The following WDR37 variants were observed in gnomAD, a reference collection of about 807,000 sequenced individuals.
WDR37 encodes the protein WD repeat-containing protein 37.
Under a neutral mutation model 62.9 loss-of-function variants are expected in WDR37, and 19 were observed. The observed-to-expected ratio is 0.30, with a 90% CI of 0.21 to 0.44. The LOEUF (loss-of-function observed/expected upper bound fraction) is 0.44, where lower values mean the gene tolerates loss of function less well. Among genes scored for constraint, WDR37 ranks in the 20% least tolerant of loss-of-function variants. The pLI, the probability that WDR37 is intolerant of heterozygous loss-of-function variation, is 1.00. For missense variants in WDR37, 474 were observed against 657.6 expected, an observed-to-expected ratio of 0.72 and a Z score of 3.05; for synonymous variants, 250 against 260.9, an observed-to-expected ratio of 0.96 and a Z score of 0.40.
chr10:1,126,347 A>C (rs900563184), intron 13 of WDR37, among the ~76,000 whole-genome samples: 5 of 149,762 alleles, frequency 3.3e-5, no homozygotes, highest in Non-Finnish European at 5.9e-5. Context: ...CGGAGCTTGC[A>C]GTGAGCTGAG....
chr10:1,114,879 C>A (rs1195767139), intron 11 of WDR37, among the ~76,000 whole-genome samples: 36 of 152,366 alleles, frequency 2.4e-4, no homozygotes, highest in Non-Finnish European at 1.5e-5. Context: ...CGTGGGCCCT[C>A]ACTGTGCAGA....
At chr10:1,058,324 C>G (rs1207720436) in intron 1 of WDR37, among the ~76,000 whole-genome samples, 1 of 152,206 alleles carries the variant, frequency 6.6e-6, no homozygotes, top group African/African-American at 2.4e-5. Context: ...TATATGCCAG[C>G]CATTTTTGCA....
chr10:1,092,872 C>CAAAAAAAAAAAAAAAAAAAAAAAAAAAAA (rs56220560), intron 7 of WDR37, among the ~76,000 whole-genome samples: 7 of 41,976 alleles, frequency 1.7e-4, no homozygotes, highest in East Asian at 9.6e-4. Context: ...CCCTATCTCA[C>CAAAAAAAAAAAAAAAAAAAAAAAAAAAAA]AAAAAAAAAA....
chr10:1,074,389 C>T, intron 2 of WDR37: 1 of 1,294,962 alleles, frequency 7.7e-7, no homozygotes. Context: ...CAGAGGTCTC[C>T]AAGCCGCACG....
chr10:1,095,988 C>G (rs1834561668), intron 8 of WDR37, among the ~76,000 whole-genome samples, 182 bp from the exon 9 acceptor site: 1 of 152,198 alleles, frequency 6.6e-6, no homozygotes, highest in Non-Finnish European at 1.5e-5. Context: ...GACATGTACT[C>G]TATTTTCAAT....
At chr10:1,116,936 CG>C (rs1262885598) in intron 11 of WDR37, among the ~76,000 whole-genome samples, 1 of 129,618 alleles carries the variant, frequency 7.7e-6, no homozygotes, top group Non-Finnish European at 1.6e-5. Flanking sequence ...AGCAGAGCAG[CG>C]CTGTCCGTGC....
intron 13 of WDR37, 93 bp downstream of exon 13, chr10:1,125,117 T>C: frequency 6.7e-7 from 1 of 1,501,008 alleles, no homozygotes; most frequent in Non-Finnish European, 8.9e-7. Flanking sequence ...AGTCTTTGCA[T>C]GCTAAGTTTT....
intron 2 of WDR37, 105 bp from the exon 3 acceptor site, chr10:1,077,802 C>T (rs1833923439): frequency 1.2e-6 from 1 of 837,074 alleles, no homozygotes; most frequent in Admixed American, 3.0e-5. Flanking sequence ...TGTAATAATA[C>T]AAAATAAGAG....
chr10:1,115,037 T>TG (rs1229711320), intron 11 of WDR37, among the ~76,000 whole-genome samples: 4 of 151,964 alleles, frequency 2.6e-5, no homozygotes, highest in African/African-American at 9.7e-5. Flanking sequence ...TTTGTTTTTT[T>TG]TTTTTTGTTG....
chr10:1,103,335 A>C lies in WDR37; in HGVS notation c.727-267A>C, dbSNP rs1564507898. On this transcript the variant is annotated intron_variant, in intron 9 of 13. Coordinates refer to ENST00000263150, the MANE Select transcript of WDR37 (RefSeq NM_014023.4). This position sits in a 1 kb window ranked among gnomAD's most constrained non-coding sequence, Gnocchi z 6.3. ...GCCATTCTGTTGATGCGTGGAAATA[A>C]ATGGTAGTTCGGTTGACAATGTTGT... Among the ~76,000 whole-genome samples, 1 of 152,216 alleles carries C rather than the reference A, an allele frequency of 6.6e-6. No homozygotes were observed. Among genetic ancestry groups the C allele is most frequent in the Non-Finnish European group, 1.5e-5 (1 of 68,050 alleles).
intron 7 of WDR37, among the ~76,000 whole-genome samples, chr10:1,088,262 G>A (rs1185041893): frequency 3.3e-5 from 5 of 152,176 alleles, no homozygotes; most frequent in Non-Finnish European, 5.9e-5. Context: ...ACTTTCCTTC[G>A]AGAACTTTTC....
At chr10:1,122,990 T>C (rs1340197849) in intron 11 of WDR37, among the ~76,000 whole-genome samples, 1 of 152,220 alleles carries the variant, frequency 6.6e-6, no homozygotes, top group African/African-American at 2.4e-5. Flanking sequence ...GAAAAGTTTA[T>C]GAAAGAGTTT....
At chr10:1,122,963 T>C (rs187239442) in intron 11 of WDR37, among the ~76,000 whole-genome samples, 77 of 152,370 alleles carry the variant, frequency 5.1e-4, no homozygotes, top group African/African-American at 1.7e-3. Context: ...TCAAACACTT[T>C]TTTTTACATT....
chr10:1,067,535 A>G (rs774174814), intron 1 of WDR37, among the ~76,000 whole-genome samples: 2 of 152,242 alleles, frequency 1.3e-5, no homozygotes, highest in Non-Finnish European at 2.9e-5. Context: ...TATAATTCAT[A>G]CTATAGAGTA....
intron 1 of WDR37, among the ~76,000 whole-genome samples, chr10:1,063,083 TAAAA>T (rs57894038): frequency 7.3e-6 from 1 of 137,618 alleles, no homozygotes. Context: ...GACACTCTGT[TAAAA>T]AAAAAAAAAA....
At chr10:1,088,146 C>T (rs989854364) in intron 7 of WDR37, among the ~76,000 whole-genome samples, 15 of 152,224 alleles carry the variant, frequency 9.9e-5, no homozygotes, top group Admixed American at 8.5e-4. Context: ...CTGAATTAGG[C>T]TGCAGCTAAA....
chr10:1,073,603 A>G (rs1833785593), intron 2 of WDR37, among the ~76,000 whole-genome samples: 1 of 152,228 alleles, frequency 6.6e-6, no homozygotes, highest in South Asian at 2.1e-4. Flanking sequence ...CTCCCATAAC[A>G]TAATGCCACA....
In WDR37 at chr10:1,105,241, G is replaced by A. The variant is rs748076334; in HGVS notation, c.1077G>A (p.Ser359=). ...LWDFRDPSIH[S]VNVFQGHTDT... is the part of the protein sequence containing the mutation. Reference sequence around the variant, plus strand: ...ATTTCAGGGACCCCTCCATCCACTCGGTGAATGTTTTCCAGGGACACACGG... The same window carrying A: ...ATTTCAGGGACCCCTCCATCCACTCAGTGAATGTTTTCCAGGGACACACGG... Residue 359 remains serine (S), a synonymous_variant, in exon 11 of 14, where the codon TCG becomes TCA. Transcript: ENST00000263150. This position sits in a 1 kb window ranked among gnomAD's most constrained non-coding sequence, Gnocchi z 5.3. 13 of 1,613,882 alleles carry A rather than the reference G, an allele frequency of 8.1e-6. No homozygotes were observed. The highest frequency in any genetic ancestry group is 7.7e-5 in the South Asian group (7 of 91,042).
chr10:1,117,083 G>A (rs1284779404), intron 11 of WDR37, among the ~76,000 whole-genome samples: 1 of 152,056 alleles, frequency 6.6e-6, no homozygotes, highest in African/African-American at 2.4e-5. Context: ...GAGACAGGGC[G>A]TCACCCTCTC....
Sources: gnomAD v4.1 joint callset for allele counts (sites outside exome capture counted in the v4.1 genomes callset) on GRCh38, gnomAD v4.1.1 for gene constraint, Gnocchi (gnomAD v3.1) non-coding constraint, MANE v1.5 for transcripts, NCBI Gene and HGNC (gene_info 2026-07-23, HGNC 2026-07-21) for gene names.